Variants in MSANTD1 observed in about 807,000 individuals in gnomAD.
MSANTD1 encodes Myb/SANT DNA binding domain containing 1.
Under a neutral mutation model 24.2 loss-of-function variants are expected in MSANTD1, and 7 were observed. The observed-to-expected ratio is 0.29, with a 90% confidence interval of 0.16 to 0.54. The LOEUF (loss-of-function observed/expected upper bound fraction) is 0.54, where lower values mean the gene tolerates loss of function less well. Among genes scored for constraint, MSANTD1 ranks in the 20% least tolerant of loss-of-function variants. The pLI, the probability that MSANTD1 is intolerant of heterozygous loss-of-function variation, is 0.94. For synonymous variants in MSANTD1, 177 were observed against 181.1 expected (o/e 0.98, Z 0.18); for missense variants, 384 against 408.2 (o/e 0.94, Z 0.51).
Position 3,249,643 on chromosome 4 carries a change from G to A in MSANTD1, c.320+101G>A, listed in dbSNP as rs1162754622. The A allele has an allele frequency of 5.0e-6, 6 of 1,194,604 alleles. No homozygotes were observed. In the South Asian group the frequency reaches 5.9e-5, roughly 12 times the overall value. 74.0% of individuals were successfully genotyped at this position (1,194,604 alleles called of 1,614,324 possible). A position where few individuals can be genotyped will look rare whatever the true frequency, so the allele number is the denominator to read the frequency against. On this transcript the variant is annotated intron_variant, in intron 1 of 2. Coordinates refer to ENST00000438480, the MANE Select transcript of MSANTD1 (RefSeq NM_001042690.2). ...AGCTCTGAGTCGGGACGATGTGTGG[G>A]TCGTGGCCTGCCTGTCGGTCTCCTC...
chr4:3,246,464 T>C (rs1049504192), upstream of MSANTD1: 9 of 444,020 alleles, frequency 2.0e-5, no homozygotes, highest in Admixed American at 2.5e-4. Context: ...CCCAGCCTCA[T>C]TATTTAGAAG....
chr4:3,249,694 G>A (rs761841387), intron 1 of MSANTD1, 152 bp downstream of exon 1: 42 of 724,194 alleles, frequency 5.8e-5, no homozygotes, highest in African/African-American at 1.6e-4. Flanking sequence ...AGAACCCCAC[G>A]GGGTGAGACG....
At chr4:3,253,574 C>G (rs921752784) in intron 2 of MSANTD1, 92 bp downstream of exon 2, 7 of 1,346,752 alleles carry the variant, frequency 5.2e-6, no homozygotes, top group Non-Finnish European at 6.8e-6. Flanking sequence ...CCGGCGGCGG[C>G]GGCCACAGTG....
chr4:3,255,350 A>C (rs1722354128), intron 2 of MSANTD1, among the ~76,000 whole-genome samples: 1 of 150,112 alleles, frequency 6.7e-6, no homozygotes, highest in Non-Finnish European at 1.5e-5. Context: ...CAGCCTCCCG[A>C]GTAGCTGGGA....
chr4:3,256,266 T>TA lies in MSANTD1; in HGVS notation c.*302dup, dbSNP rs1691357655. On this transcript the variant is annotated 3_prime_UTR_variant, in exon 3 of 3. Transcript: ENST00000438480. ...TCTCCAGTGTCGTTACTATCAATGA[T>TA]ACTTGACGTGGCTTTGATATTAAAC... 3.7e-6 allele frequency: 1 copy of TA among 267,736 alleles called. No homozygotes were observed. Among genetic ancestry groups the TA allele is most frequent in the African/African-American group, 2.2e-5 (1 of 45,174 alleles). 16.6% of individuals were successfully genotyped at this position (267,736 alleles called of 1,614,324 possible). A position where few individuals can be genotyped will look rare whatever the true frequency, so the allele number is the denominator to read the frequency against.
Position 3,255,854 on chromosome 4 carries a change from CGAG to C in MSANTD1, c.728_730del (p.Glu243del), listed in dbSNP as rs1560619128. ...GCCGCGCCGTGGAGGAGACCTGCCG[CGAG>C]GTGCGCCGCGTGCTGGACCAGCAGC... On this transcript the variant is annotated inframe_deletion, in exon 3 of 3. Transcript: ENST00000438480. The C allele has an allele frequency of 6.5e-7, 1 of 1,545,236 alleles. No individual in the cohort carries two copies. The highest frequency in any genetic ancestry group is 8.7e-7 in the Non-Finnish European group (1 of 1,146,492).
chr4:3,255,113 C>G (rs1271332805), intron 2 of MSANTD1, among the ~76,000 whole-genome samples: 1 of 152,234 alleles, frequency 6.6e-6, no homozygotes, highest in Non-Finnish European at 1.5e-5. Context: ...CCTCTGCAGC[C>G]CAGAACATCC....
intron 2 of MSANTD1, among the ~76,000 whole-genome samples, chr4:3,254,517 C>T (rs904850748): frequency 2.0e-5 from 3 of 152,216 alleles, no homozygotes; most frequent in Non-Finnish European, 2.9e-5. Context: ...AGGCCCAAAG[C>T]GCGGATCTCA....
upstream of MSANTD1, chr4:3,248,624 G>A (rs1202412107): frequency 1.3e-5 from 2 of 152,714 alleles, no homozygotes; most frequent in African/African-American, 4.8e-5. Flanking sequence ...TGGAGCAAGA[G>A]AAGCAAAAGG....
intron 1 of MSANTD1, among the ~76,000 whole-genome samples, chr4:3,251,551 A>T (rs1204433185): frequency 6.6e-6 from 1 of 152,174 alleles, no homozygotes; most frequent in Non-Finnish European, 1.5e-5. Flanking sequence ...GGGGAAGCTG[A>T]GGCCCAGAGC....
At chr4:3,246,679 C>T, upstream of MSANTD1, 1 of 697,448 alleles carries the variant, frequency 1.4e-6, no homozygotes, top group East Asian at 2.7e-5. Flanking sequence ...AGGTACGAGC[C>T]CCTCCCCAGC....
At chr4:3,248,101 T>C (rs12646808), upstream of MSANTD1, 42,835 of 152,272 alleles carry the variant, frequency 0.28, 7,138 homozygotes, top group East Asian at 0.51. Context: ...ACAGGTGCCG[T>C]GGGCTCCACA....
At chr4:3,247,339 T>C (rs1273324169), upstream of MSANTD1, 3 of 152,454 alleles carry the variant, frequency 2.0e-5, no homozygotes, top group Non-Finnish European at 4.4e-5. Flanking sequence ...CCTTTCTGCT[T>C]ACCCCTTGTG....
chr4:3,246,915 G>A (rs1292503580), upstream of MSANTD1, among the ~76,000 whole-genome samples: 1 of 152,144 alleles, frequency 6.6e-6, no homozygotes, highest in Non-Finnish European at 1.5e-5. Context: ...GGAGGATGGT[G>A]CGGGTGTGGG....
In MSANTD1 at chr4:3,253,315, GC is replaced by G; in HGVS notation, c.431del (p.Pro144ArgfsTer62). ...TCCCCGAGTCCTGTGATGGCAAACT[GC>G]CGGACAGCCAGCCGCCGGGGCCCTC... ...KVPESCDGKL[P>X]DSQPPGPSTS... On this transcript the variant is annotated frameshift_variant, in exon 2 of 3. Transcript: ENST00000438480. LOFTEE classifies it high-confidence loss of function. 1 of 1,610,204 alleles carries G rather than the reference GC, an allele frequency of 6.2e-7. No homozygotes were observed. The highest frequency in any genetic ancestry group is 8.5e-7 in the Non-Finnish European group (1 of 1,178,424).
At chr4:3,245,929 G>A (rs564609716), upstream of MSANTD1, among the ~76,000 whole-genome samples, 31 of 152,312 alleles carry the variant, frequency 2.0e-4, 1 homozygote, top group African/African-American at 7.2e-4. Context: ...TGGAGGCAGA[G>A]GGCTGAAGTT....
At position 3,249,161 on chromosome 4, in the gene MSANTD1, A is replaced by T; in HGVS notation, c.-62A>T. On this transcript the variant is annotated 5_prime_UTR_variant, in exon 1 of 3. The change abolishes an upstream ATG in the 5' untranslated region. Coordinates refer to ENST00000438480, the MANE Select transcript of MSANTD1 (RefSeq NM_001042690.2). ...TTTTAACTAAATTCCTGCCTGTCAG[A>T]TGTAGGCCCCATTTTGAGCGTGGAG... 1 of 1,310,340 alleles carries T rather than the reference A, an allele frequency of 7.6e-7. No homozygotes were observed. Among genetic ancestry groups the T allele is most frequent in the Non-Finnish European group, 9.8e-7 (1 of 1,024,248 alleles). 81.2% of individuals were successfully genotyped at this position (1,310,340 alleles called of 1,614,324 possible). A position where few individuals can be genotyped will look rare whatever the true frequency, so the allele number is the denominator to read the frequency against.
At position 3,253,219 on chromosome 4, in the gene MSANTD1, C is replaced by T. The variant is rs1308820782; in HGVS notation, c.333C>T (p.Cys111=). The T allele has an allele frequency of 6.4e-7, 1 of 1,559,442 alleles. No homozygotes were observed. Among genetic ancestry groups the T allele is most frequent in the Admixed American group, 1.8e-5 (1 of 55,060 alleles). ...TCTCTCGTTTCAGGAAATTAAAATG[C>T]ATGACAGATAGCGAGTCCGCCCCGC... ...NMTFQYRKLK[C]MTDSESAPPD... Residue 111 remains cysteine, a synonymous_variant, in exon 2 of 3, where the codon TGC becomes TGT. Transcript: ENST00000438480.
At chr4:3,248,999 C>T (rs979684280), upstream of MSANTD1, 70 of 404,848 alleles carry the variant, frequency 1.7e-4, no homozygotes, top group South Asian at 4.5e-4. Flanking sequence ...CTGGCCCGCT[C>T]GCCGCAATAT....
Sources: gnomAD v4.1 joint callset for allele counts (sites outside exome capture counted in the v4.1 genomes callset) on GRCh38, gnomAD v4.1.1 for gene constraint, MANE v1.5 for transcripts, NCBI Gene and HGNC (gene_info 2026-07-23, HGNC 2026-07-21) for gene names.